Variants in SPMIP2 observed in about 807,000 individuals in gnomAD.
The protein encoded by SPMIP2 is protein SPMIP2.
chr4:159,076,087 CAT>C, the SPMIP2 span, among the ~76,000 whole-genome samples: 1,596 of 152,290 alleles, frequency 0.01, 34 homozygotes, highest in African/African-American at 0.037. Context: ...GTGCTTCACA[CAT>C]GTTAATTCTC....
At chr4:158,992,929 G>A in the SPMIP2 span, among the ~76,000 whole-genome samples, 2 of 152,210 alleles carry the variant, frequency 1.3e-5, no homozygotes, top group Non-Finnish European at 2.9e-5. Flanking sequence ...ATTTGGGGAG[G>A]TGGGCACACT....
the SPMIP2 span, among the ~76,000 whole-genome samples, chr4:159,067,852 T>C: frequency 6.6e-6 from 1 of 151,986 alleles, no homozygotes; most frequent in Non-Finnish European, 1.5e-5. Context: ...GGGCAAAGGA[T>C]ATGAACAGAC....
the SPMIP2 span, among the ~76,000 whole-genome samples, chr4:159,001,309 T>C: frequency 6.6e-6 from 1 of 152,224 alleles, no homozygotes; most frequent in African/African-American, 2.4e-5. Flanking sequence ...TCAAATCTTT[T>C]GCCCATTTCT....
chr4:159,061,046 C>T, the SPMIP2 span, among the ~76,000 whole-genome samples: 1 of 150,058 alleles, frequency 6.7e-6, no homozygotes, highest in Admixed American at 6.7e-5. Flanking sequence ...GACTGCACCA[C>T]TGCACTCTAG....
the SPMIP2 span, among the ~76,000 whole-genome samples, chr4:158,937,303 T>A: frequency 6.6e-6 from 1 of 152,242 alleles, no homozygotes; most frequent in Non-Finnish European, 1.5e-5. Context: ...GACAACCATA[T>A]TTAGCAATTA....
At chr4:158,976,295 T>C in the SPMIP2 span, among the ~76,000 whole-genome samples, 2 of 152,226 alleles carry the variant, frequency 1.3e-5, no homozygotes, top group East Asian at 1.9e-4. Context: ...TCTTGCCTGA[T>C]TGACCTGGCC....
the SPMIP2 span, among the ~76,000 whole-genome samples, chr4:159,024,477 C>T: frequency 1.3e-5 from 2 of 152,126 alleles, no homozygotes; most frequent in Non-Finnish European, 2.9e-5. Context: ...GGGTAAAGTG[C>T]TTCCTTGCTG....
chr4:159,007,595 C>T, the SPMIP2 span: 2 of 1,106,278 alleles, frequency 1.8e-6, no homozygotes, highest in Non-Finnish European at 2.7e-6. Flanking sequence ...TGGAAGCTTT[C>T]CAGACAACCA....
chr4:158,968,377 A>T, the SPMIP2 span, among the ~76,000 whole-genome samples: 1 of 152,206 alleles, frequency 6.6e-6, no homozygotes, highest in African/African-American at 2.4e-5. Context: ...CGTGCAAATG[A>T]TGCAAAGTGG....
At chr4:158,921,911 A>G in the SPMIP2 span, among the ~76,000 whole-genome samples, 1 of 136,518 alleles carries the variant, frequency 7.3e-6, no homozygotes, top group Non-Finnish European at 1.6e-5. Flanking sequence ...TTTTTGAGAC[A>G]GAGTCTTGCT....
At chr4:158,998,875 G>GT in the SPMIP2 span, among the ~76,000 whole-genome samples, 2 of 152,176 alleles carry the variant, frequency 1.3e-5, no homozygotes, top group South Asian at 4.2e-4. Flanking sequence ...CTTGTAAAAC[G>GT]TATGTACCAT....
At chr4:158,992,071 T>C in the SPMIP2 span, among the ~76,000 whole-genome samples, 7 of 152,142 alleles carry the variant, frequency 4.6e-5, no homozygotes, top group African/African-American at 1.7e-4. Context: ...ATTATTATTA[T>C]TTGTAGACAT....
At chr4:158,900,095 G>A in the SPMIP2 span, among the ~76,000 whole-genome samples, 8 of 152,118 alleles carry the variant, frequency 5.3e-5, no homozygotes, top group African/African-American at 1.4e-4. Flanking sequence ...CCTTCATTTC[G>A]TTATGTACCC....
At chr4:159,014,213 G>T in the SPMIP2 span, among the ~76,000 whole-genome samples, 2 of 152,180 alleles carry the variant, frequency 1.3e-5, no homozygotes, top group Non-Finnish European at 2.9e-5. Context: ...TCAGCACTTT[G>T]GGAGGCCGAA....
the SPMIP2 span, among the ~76,000 whole-genome samples, chr4:158,932,286 C>CA: frequency 2.0e-5 from 3 of 152,074 alleles, no homozygotes; most frequent in Non-Finnish European, 4.4e-5. Flanking sequence ...ACCAACATGG[C>CA]AAAACCCCAT....
the SPMIP2 span, among the ~76,000 whole-genome samples, chr4:159,076,831 C>A: frequency 7.6e-6 from 1 of 131,868 alleles, no homozygotes; most frequent in African/African-American, 3.0e-5. Flanking sequence ...CCATTCCTGG[C>A]ACTAAACAGA....
chr4:159,027,193 T>C, the SPMIP2 span, among the ~76,000 whole-genome samples: 2 of 152,150 alleles, frequency 1.3e-5, no homozygotes, highest in Non-Finnish European at 2.9e-5. Context: ...CTCCCACTTT[T>C]GCTATTATGA....
chr4:159,021,050 C>T, the SPMIP2 span, among the ~76,000 whole-genome samples: 10 of 152,218 alleles, frequency 6.6e-5, no homozygotes, highest in Non-Finnish European at 1.3e-4. Context: ...CGTGAGCCAC[C>T]GCACCCGGCC....
At chr4:158,985,569 GA>G in the SPMIP2 span, among the ~76,000 whole-genome samples, 1 of 144,782 alleles carries the variant, frequency 6.9e-6, no homozygotes, top group Non-Finnish European at 1.5e-5. Context: ...AAAGGCCTTT[GA>G]AAAAATTCAA....
Sources: allele counts gnomAD v4.1 joint callset (sites outside exome capture counted in the v4.1 genomes callset), GRCh38; gene constraint gnomAD v4.1.1; transcripts MANE v1.5; gene names NCBI Gene and HGNC (gene_info 2026-07-23, HGNC 2026-07-21).